RYR3: variants seen among roughly 807,000 people sequenced by gnomAD.
The protein encoded by RYR3 is ryanodine receptor 3.
Under a neutral mutation model 584.3 loss-of-function variants are expected in RYR3, and 207 were observed. That is an observed-to-expected ratio of 0.35 (90% CI 0.32 to 0.40). The LOEUF (loss-of-function observed/expected upper bound fraction) is 0.40. RYR3 is among the 10% of genes least tolerant of loss of function. The pLI is 1.00. For synonymous variants in RYR3, 2,416 were observed against 2,248.5 expected (o/e 1.07, Z -2.11); for missense variants, 5,616 against 6,089.2 (o/e 0.92, Z 2.59).
chr15:33,838,881 G>T lies in RYR3; in HGVS notation c.12901G>T (p.Gly4301Cys). ...SLKHGPEVGL[G>C]DLSEIIGKDE... is the part of the protein sequence containing the mutation. ...AAAGCATGGGCCTGAAGTGGGTTTG[G>T]GTGACCTCTCAGAAATTATTGGCAA... The change falls in exon 89 of 104, where the codon GGT becomes TGT. Residue 4301 changes from glycine (G) to cysteine (C), a missense_variant. Gly to Cys is a radical substitution (Grantham distance 159). This residue lies in a region of RYR3 where 918 missense variants were observed against 887.4 expected (regional missense o/e 1.03). Transcript: ENST00000634891. 6.2e-7 allele frequency: 1 copy of T among 1,613,924 alleles called. No individual in the cohort carries two copies. Among genetic ancestry groups the T allele is most frequent in the Non-Finnish European group, 8.5e-7 (1 of 1,179,858 alleles).
At position 33,613,169 on chromosome 15, in the gene RYR3, T is replaced by C; in HGVS notation, c.2165-14T>C. On this transcript the variant is annotated splice_polypyrimidine_tract_variant and intron_variant, in intron 18 of 103. Coordinates refer to ENST00000634891, the MANE Select transcript of RYR3 (RefSeq NM_001036.6). The stretch of plus-strand genomic sequence containing the variant: ...CAGAGTTCCACAGCCTTCTTCCTGT[T>C]CTTTCCTCACCAGGCCGGATACCCA... The C allele has an allele frequency of 6.2e-7, 1 of 1,610,132 alleles. No individual in the cohort carries two copies. Among genetic ancestry groups the C allele is most frequent in the South Asian group, 1.1e-5 (1 of 90,512 alleles).
intron 18 of RYR3, among the ~76,000 whole-genome samples, chr15:33,609,301 G>A (rs2060054830): frequency 6.6e-6 from 1 of 152,244 alleles, no homozygotes; most frequent in Non-Finnish European, 1.5e-5. Context: ...GGGTGTGGTA[G>A]CTCAAACCTG....
intron 102 of RYR3, among the ~76,000 whole-genome samples, chr15:33,861,713 T>G (rs1888298898): frequency 1.3e-5 from 2 of 152,202 alleles, no homozygotes; most frequent in South Asian, 4.1e-4. Context: ...GTTGCTAAAT[T>G]CTGTGTTCAG....
chr15:33,372,663 C>A (rs1487518488), intron 1 of RYR3, among the ~76,000 whole-genome samples: 10 of 152,032 alleles, frequency 6.6e-5, no homozygotes, highest in African/African-American at 2.4e-5. Context: ...CCACGCCCGG[C>A]CCCAGCTAAT....
chr15:33,766,452 T>C (rs1054022589), intron 60 of RYR3, among the ~76,000 whole-genome samples: 3 of 152,152 alleles, frequency 2.0e-5, no homozygotes, highest in African/African-American at 7.2e-5. Flanking sequence ...CTCCTAAACA[T>C]TTGCAGGATG....
chr15:33,649,243 G>T lies in RYR3; in HGVS notation c.4142+8G>T, dbSNP rs1325229513. 6.2e-7 allele frequency: 1 copy of T among 1,608,226 alleles called. No individual in the cohort carries two copies. The highest frequency in any genetic ancestry group is 1.1e-5 in the South Asian group (1 of 90,858). On this transcript the variant is annotated splice_region_variant and intron_variant, in intron 31 of 103. Coordinates refer to ENST00000634891, the MANE Select transcript of RYR3 (RefSeq NM_001036.6). ...AGGCCGGGTCCATGAAAGGTAAGGG[G>T]GCTCCCAAGTGGCAGGGTTAGCCAT...
chr15:33,400,933 C>T (rs1053434902), intron 1 of RYR3, among the ~76,000 whole-genome samples: 3 of 152,236 alleles, frequency 2.0e-5, no homozygotes, highest in African/African-American at 7.2e-5. Flanking sequence ...GTCAAGACAG[C>T]ATGGACGGGT....
chr15:33,543,232 A>G (rs1351679511), intron 7 of RYR3, among the ~76,000 whole-genome samples: 3 of 152,222 alleles, frequency 2.0e-5, no homozygotes, highest in East Asian at 1.9e-4. Flanking sequence ...TTTTTTTTAC[A>G]AAGTGTACAC....
intron 74 of RYR3, chr15:33,815,735 C>T (rs1529542): frequency 0.99 from 392,881 of 394,964 alleles, 195,443 homozygotes; most frequent in East Asian, 1. Flanking sequence ...TCTAACCGCA[C>T]AGAATCTCCC....
intron 38 of RYR3, among the ~76,000 whole-genome samples, chr15:33,688,368 T>C (rs1343558836): frequency 6.6e-6 from 1 of 151,574 alleles, no homozygotes; most frequent in Non-Finnish European, 1.5e-5. Context: ...AGACAGGAGA[T>C]CGAGACCATC....
At chr15:33,552,413 G>T (rs1199552703) in intron 10 of RYR3, among the ~76,000 whole-genome samples, 1 of 152,098 alleles carries the variant, frequency 6.6e-6, no homozygotes, top group Non-Finnish European at 1.5e-5. Context: ...AGCAAGCAGC[G>T]CATGGGTGGA....
At chr15:33,474,217 C>A (rs2049172879) in intron 2 of RYR3, among the ~76,000 whole-genome samples, 1 of 152,140 alleles carries the variant, frequency 6.6e-6, no homozygotes, top group Non-Finnish European at 1.5e-5. Flanking sequence ...TCCAGAGAAA[C>A]AAAGTCAACT....
chr15:33,669,491 T>G (rs1441705990), intron 37 of RYR3, 35 bp downstream of exon 37: 2 of 1,575,970 alleles, frequency 1.3e-6, no homozygotes, highest in Non-Finnish European at 1.7e-6. Flanking sequence ...GTCCTTTTTT[T>G]ACAAGAAGAG....
intron 13 of RYR3, among the ~76,000 whole-genome samples, chr15:33,580,391 A>G (rs892854287): frequency 1.3e-5 from 2 of 152,174 alleles, no homozygotes; most frequent in African/African-American, 4.8e-5. Context: ...TGTATCAAAT[A>G]TACATTTTCA....
intron 3 of RYR3, among the ~76,000 whole-genome samples, chr15:33,506,382 G>T (rs892982199): frequency 3.9e-5 from 6 of 152,130 alleles, no homozygotes; most frequent in African/African-American, 7.2e-5. Flanking sequence ...AAAAACTCAT[G>T]TTCAAAATAA....
At chr15:33,314,148 C>A (rs898241691) in intron 1 of RYR3, among the ~76,000 whole-genome samples, 3 of 152,210 alleles carry the variant, frequency 2.0e-5, no homozygotes, top group African/African-American at 7.2e-5. Flanking sequence ...CTTAAGGAGG[C>A]AGTCTAAAAC....
At chr15:33,428,615 A>G (rs1441324057) in intron 1 of RYR3, among the ~76,000 whole-genome samples, 1 of 152,200 alleles carries the variant, frequency 6.6e-6, no homozygotes, top group Non-Finnish European at 1.5e-5. Flanking sequence ...GTCTCCTCCA[A>G]GAGGAAGATG....
At chr15:33,738,371 A>C in intron 49 of RYR3, 79 bp from the exon 50 acceptor site, 5 of 1,390,480 alleles carry the variant, frequency 3.6e-6, no homozygotes, top group Non-Finnish European at 4.9e-6. Flanking sequence ...TTACTACTTG[A>C]TTCTCTCCTG....
intron 47 of RYR3, among the ~76,000 whole-genome samples, chr15:33,730,113 A>G (rs201851639): frequency 2.0e-5 from 3 of 151,170 alleles, no homozygotes; most frequent in African/African-American, 4.9e-5. Flanking sequence ...ATGAATAATT[A>G]TGAATAATTA....
Sources: gnomAD v4.1 joint callset for allele counts (sites outside exome capture counted in the v4.1 genomes callset) on GRCh38, gnomAD v4.1.1 for gene constraint, gnomAD v4.1.1 regional missense constraint, MANE v1.5 for transcripts, NCBI Gene and HGNC (gene_info 2026-07-23, HGNC 2026-07-21) for gene names.